MAP7: variants seen among roughly 807,000 people sequenced by gnomAD.
The protein encoded by MAP7 is ensconsin.
A neutral mutation model predicts 94.8 loss-of-function variants in MAP7; 52 were observed. The observed-to-expected ratio is 0.55, with a 90% CI of 0.44 to 0.69. MAP7 has a LOEUF of 0.69. MAP7 is among the 30% of genes least tolerant of loss of function. MAP7 has a pLI of 0.00. For missense variants in MAP7, 940 were observed against 964.6 expected, an observed-to-expected ratio of 0.97 and a Z score of 0.34; for synonymous variants, 350 against 357.0, an observed-to-expected ratio of 0.98 and a Z score of 0.22.
intron 1 of MAP7, among the ~76,000 whole-genome samples, chr6:136,453,041 C>T (rs1298936778): frequency 1.3e-5 from 2 of 152,156 alleles, no homozygotes; most frequent in African/African-American, 4.8e-5. Context: ...TATGCCTGTA[C>T]TCTGGAGATT....
intron 1 of MAP7, among the ~76,000 whole-genome samples, chr6:136,451,069 G>A (rs548637590): frequency 1.1e-4 from 17 of 152,296 alleles, no homozygotes; most frequent in African/African-American, 3.8e-4. Context: ...TTGTAAAGGT[G>A]TCTCCATCTC....
rs780516608 is a variant in MAP7, at chr6:136,362,675, G to C, written c.1301C>G (p.Ala434Gly). The change falls in exon 11 of 18, where the codon GCC becomes GGC. Residue 434 changes from alanine to glycine, a missense_variant. Ala to Gly is a moderately conservative substitution (Grantham distance 60). Transcript: ENST00000354570. ...GGCCGAGGCTGGAGCTGGGGCCGAGGCTGGAGCTGGGGCCATGGCTGGAGC... is the reference window on the plus strand; with the variant it reads ...GGCCGAGGCTGGAGCTGGGGCCGAGCCTGGAGCTGGGGCCATGGCTGGAGC... ...PAAPAMAPAP[A>G]SAPAPASAPA... is the part of the protein sequence containing the mutation. The C allele has an allele frequency of 1.7e-5, 28 of 1,605,768 alleles. No individual in the cohort carries two copies. The highest frequency in any genetic ancestry group is 6.7e-5 in the Admixed American group (4 of 59,270).
Position 136,463,549 on chromosome 6 carries a change from T to A in MAP7, c.68-41750A>T, listed in dbSNP as rs946235145. ...GCTGAGGTGTTTTTTCCACCTTAAC[T>A]AGTGATATTTTGGCAAATACACAAT... On this transcript the variant is annotated intron_variant, in intron 1 of 17. Transcript: ENST00000354570. Among the ~76,000 whole-genome samples the A allele has an allele frequency of 3.3e-5, 5 of 152,226 alleles. No homozygotes were observed. The East Asian group carries it at 9.6e-4, about 29-fold the overall frequency.
At chr6:136,531,353 T>A (rs1828465009) in intron 1 of MAP7, among the ~76,000 whole-genome samples, 1 of 144,850 alleles carries the variant, frequency 6.9e-6, no homozygotes, top group Admixed American at 6.7e-5. Flanking sequence ...TGTGAGCAGT[T>A]TAATTTAGTG....
At chr6:136,464,376 C>T (rs1306466592) in intron 1 of MAP7, among the ~76,000 whole-genome samples, 1 of 152,170 alleles carries the variant, frequency 6.6e-6, no homozygotes, top group African/African-American at 2.4e-5. Context: ...GAGTACAGTA[C>T]AATAAGATAT....
intron 2 of MAP7, chr6:136,420,310 C>T (rs749968131): frequency 1.7e-4 from 128 of 756,548 alleles, no homozygotes; most frequent in Non-Finnish European, 2.3e-4. Context: ...TGCTGCCTGA[C>T]GTGACCAACA....
chr6:136,468,809 T>C (rs920959580), intron 1 of MAP7, among the ~76,000 whole-genome samples: 15 of 152,284 alleles, frequency 9.9e-5, no homozygotes, highest in African/African-American at 3.1e-4. Context: ...TGCTGCAGCA[T>C]CTACCCTCCC....
At chr6:136,491,917 A>G (rs755884871) in intron 1 of MAP7, among the ~76,000 whole-genome samples, 2 of 152,214 alleles carry the variant, frequency 1.3e-5, no homozygotes, top group Non-Finnish European at 2.9e-5. Context: ...GAGCTACTCC[A>G]TAATTAATCA....
chr6:136,507,574 C>T (rs919728262), intron 1 of MAP7, among the ~76,000 whole-genome samples: 1 of 151,158 alleles, frequency 6.6e-6, no homozygotes, highest in Non-Finnish European at 1.5e-5. Context: ...AAAATTTAGA[C>T]ATCTTAGCAG....
chr6:136,444,609 T>C (rs1798785758), intron 1 of MAP7, among the ~76,000 whole-genome samples: 1 of 152,196 alleles, frequency 6.6e-6, no homozygotes, highest in South Asian at 2.1e-4. Flanking sequence ...GATGTTTTCC[T>C]TAACCTGTTC....
At chr6:136,463,956 T>C (rs1342735114) in intron 1 of MAP7, among the ~76,000 whole-genome samples, 1 of 152,104 alleles carries the variant, frequency 6.6e-6, no homozygotes, top group Non-Finnish European at 1.5e-5. Flanking sequence ...AAACGCCTGG[T>C]AAAAGAGCTT....
chr6:136,483,564 C>T (rs572597622), intron 1 of MAP7, among the ~76,000 whole-genome samples: 8 of 151,614 alleles, frequency 5.3e-5, no homozygotes, highest in Non-Finnish European at 1.0e-4. Flanking sequence ...CCACTGAATC[C>T]CTATTTATTA....
At position 136,411,669 on chromosome 6, in the gene MAP7, G is replaced by T. The variant is rs1433244733; in HGVS notation, c.195C>A (p.Asp65Glu). ...PDPPPVLRVDDRQRLARERRE... is the reference protein window; with the variant it reads ...PDPPPVLRVDERQRLARERRE... Reference sequence around the variant, plus strand: ...GTCGCTCCCGGGCCAGCCGCTGCCGGTCATCAACACGTAACACAGGCGGAG... The same window carrying T: ...GTCGCTCCCGGGCCAGCCGCTGCCGTTCATCAACACGTAACACAGGCGGAG... Residue 65 changes from aspartate to glutamate, a missense_variant, in exon 3 of 18, where the codon GAC becomes GAA. By Grantham distance (45) the Asp-to-Glu change is conservative (BLOSUM62 2). Transcript: ENST00000354570. 1.3e-6 allele frequency: 2 copies of T among 1,567,968 alleles called. No homozygotes were observed. The highest frequency in any genetic ancestry group is 1.7e-6 in the Non-Finnish European group (2 of 1,154,912).
chr6:136,440,042 G>A (rs528561514), intron 1 of MAP7, among the ~76,000 whole-genome samples: 93 of 152,282 alleles, frequency 6.1e-4, no homozygotes, highest in African/African-American at 2.1e-3. Context: ...AGCTTGGTTG[G>A]CTAGAGCAGG....
chr6:136,451,221 G>A (rs542079254), intron 1 of MAP7, among the ~76,000 whole-genome samples: 28 of 152,124 alleles, frequency 1.8e-4, no homozygotes, highest in Admixed American at 4.6e-4. Context: ...TTTTCTCTAC[G>A]CCTCCTCTGT....
At chr6:136,351,262 CA>C (rs557844878) in intron 16 of MAP7, among the ~76,000 whole-genome samples, 1 of 148,252 alleles carries the variant, frequency 6.7e-6, no homozygotes, top group Non-Finnish European at 1.5e-5. Context: ...AACGAAAAAA[CA>C]AAAAAAAGCC....
rs1296936805 is a variant in MAP7 at position 136,362,606 on chromosome 6, G to A, written c.1370C>T (p.Pro457Leu). 50 of 1,613,838 alleles carry A rather than the reference G, an allele frequency of 3.1e-5. No homozygotes were observed. The highest frequency in any genetic ancestry group is 4.2e-5 in the Non-Finnish European group (49 of 1,179,968). Reference protein sequence around the residue: ...PVPTPAMVSAPSSTVNASASV... With the variant: ...PVPTPAMVSALSSTVNASASV... Reference sequence around the variant, plus strand: ...AGCACTGGCATTCACAGTGGATGACGGGGCTGAGACCATGGCTGGGGTGGG... The same window carrying A: ...AGCACTGGCATTCACAGTGGATGACAGGGCTGAGACCATGGCTGGGGTGGG... The change falls in exon 11 of 18, where the codon CCG becomes CTG. Residue 457 changes from proline (P) to leucine (L), a missense_variant. Pro to Leu is a moderately conservative substitution (Grantham distance 98). Transcript: ENST00000354570.
intron 1 of MAP7, among the ~76,000 whole-genome samples, chr6:136,512,477 T>A (rs1823564609): frequency 6.6e-6 from 1 of 152,214 alleles, no homozygotes; most frequent in Admixed American, 6.5e-5. Flanking sequence ...GTTGATGTAA[T>A]GAAGATTTAG....
At chr6:136,463,894 C>T (rs1048579429) in intron 1 of MAP7, among the ~76,000 whole-genome samples, 4 of 152,156 alleles carry the variant, frequency 2.6e-5, no homozygotes, top group African/African-American at 7.2e-5. Context: ...AGCTAGTGTT[C>T]GAGTGCCTTG....
Sources: allele counts gnomAD v4.1 joint callset (sites outside exome capture counted in the v4.1 genomes callset), GRCh38; gene constraint gnomAD v4.1.1; transcripts MANE v1.5; gene names NCBI Gene and HGNC (gene_info 2026-07-23, HGNC 2026-07-21).